The following ADGRL3 variants were observed in gnomAD, a reference collection of about 807,000 sequenced individuals.
The protein encoded by ADGRL3 is adhesion G protein-coupled receptor L3.
Under a neutral mutation model 153.5 loss-of-function variants are expected in ADGRL3, and 62 were observed. The ratio of observed to expected loss-of-function variants is 0.40; its 90% confidence interval spans 0.33 to 0.50. The LOEUF (loss-of-function observed/expected upper bound fraction) is 0.50, where lower values mean the gene tolerates loss of function less well. ADGRL3 is among the 20% of genes least tolerant of loss of function. ADGRL3 has a pLI of 0.47. For missense variants in ADGRL3, 1,641 were observed against 1,859.4 expected, an observed-to-expected ratio of 0.88 and a Z score of 2.16; for synonymous variants, 710 against 672.5, an observed-to-expected ratio of 1.06 and a Z score of -0.86.
chr4:62,064,483 T>C (rs556507182), intron 25 of ADGRL3, among the ~76,000 whole-genome samples: 2 of 152,146 alleles, frequency 1.3e-5, no homozygotes, highest in African/African-American at 4.8e-5. Flanking sequence ...AAGAGAAAAT[T>C]ATTCAAATAA....
In ADGRL3 at chr4:61,803,486, A is replaced by G. The variant is rs1237952753; in HGVS notation, c.1400-10323A>G. Reference sequence around the variant, plus strand: ...CTATTCATCTATGACATAGAGCTCTATTTGTCTTTCACTGACGTCTCTCTC... The same window carrying G: ...CTATTCATCTATGACATAGAGCTCTGTTTGTCTTTCACTGACGTCTCTCTC... On this transcript the variant is annotated intron_variant, in intron 8 of 26. Coordinates refer to ENST00000683033, the MANE Select transcript of ADGRL3 (RefSeq NM_001387552.1). Among the ~76,000 whole-genome samples the G allele has an allele frequency of 3.3e-5, 5 of 152,164 alleles. No homozygotes were observed. In the South Asian group the frequency reaches 1.0e-3, roughly 32 times the overall value.
intron 4 of ADGRL3, among the ~76,000 whole-genome samples, chr4:61,563,043 T>A (rs988621786): frequency 3.3e-5 from 5 of 152,034 alleles, no homozygotes; most frequent in Non-Finnish European, 7.4e-5. Flanking sequence ...GGATTCACTA[T>A]TTATGGCAGC....
chr4:61,908,603 C>T lies in ADGRL3; in HGVS notation c.1888-957C>T, dbSNP rs546623287. Among the ~76,000 whole-genome samples the T allele has an allele frequency of 9.9e-5, 13 of 131,264 alleles. 1 individual carries two copies. Among genetic ancestry groups the T allele is most frequent in the Middle Eastern group, 4.2e-3 (1 of 240 alleles). 86.1% of individuals were successfully genotyped at this position (131,264 alleles called of 152,430 possible). ...AGCCTGGGCGACAAGAGCAAAACAA[C>T]GCCTCAAAAAAAAAAAAAAAAGTCT... On this transcript the variant is annotated intron_variant, in intron 11 of 26. Transcript: ENST00000683033.
chr4:61,292,080 C>T (rs944877477), intron 1 of ADGRL3, among the ~76,000 whole-genome samples: 19 of 151,444 alleles, frequency 1.3e-4, no homozygotes, highest in African/African-American at 4.6e-4. Context: ...GTGTACTGCT[C>T]ATTGATGGTA....
chr4:61,477,513 T>G (rs1445449485), intron 2 of ADGRL3, among the ~76,000 whole-genome samples: 1 of 152,160 alleles, frequency 6.6e-6, no homozygotes, highest in African/African-American at 2.4e-5. Context: ...AATCAAGGAT[T>G]TTAACTGTAT....
chr4:61,568,223 T>A (rs1375085542), intron 4 of ADGRL3, among the ~76,000 whole-genome samples: 2 of 152,132 alleles, frequency 1.3e-5, no homozygotes, highest in East Asian at 3.9e-4. Context: ...ACATCAAATA[T>A]CTATAAACAT....
rs776344793 is a variant in ADGRL3 at position 61,733,264 on chromosome 4, A to T, written c.1109A>T (p.Asp370Val). The change falls in exon 8 of 27, where the codon GAT becomes GTT. Residue 370 changes from aspartate (D) to valine (V), a missense_variant. By Grantham distance (152) the Asp-to-Val change is radical. Transcript: ENST00000683033. ...ACCCTACGGATCGAAGGAACATGGG[A>T]TACTGCATATGATAAAAGGTCAGCT... ...PYTLRIEGTW[D>V]TAYDKRSASN... is the part of the protein sequence containing the mutation. The T allele has an allele frequency of 6.2e-7, 1 of 1,613,696 alleles. No individual in the cohort carries two copies. Among genetic ancestry groups the T allele is most frequent in the East Asian group, 2.2e-5 (1 of 44,894 alleles).
intron 1 of ADGRL3, among the ~76,000 whole-genome samples, chr4:61,249,981 T>C (rs1245700251): frequency 6.6e-6 from 1 of 152,186 alleles, no homozygotes; most frequent in Non-Finnish European, 1.5e-5. Context: ...ACTCTTATGA[T>C]GATCCACATT....
intron 9 of ADGRL3, among the ~76,000 whole-genome samples, chr4:61,831,411 TAAAAAAAAAAAAAAAA>T (rs1166970099): frequency 1.9e-4 from 7 of 37,274 alleles, no homozygotes; most frequent in South Asian, 1.4e-3. Context: ...AGATGCTAAG[TAAAAAAAAAAAAAAAA>T]AAAAAAAAAA....
intron 25 of ADGRL3, among the ~76,000 whole-genome samples, chr4:62,051,262 G>A (rs1227117461): frequency 6.7e-6 from 1 of 149,462 alleles, no homozygotes; most frequent in African/African-American, 2.5e-5. Context: ...ATAAAATAAA[G>A]AAGCCTGTGT....
At chr4:61,621,960 A>G (rs1388111610) in intron 5 of ADGRL3, among the ~76,000 whole-genome samples, 4 of 152,170 alleles carry the variant, frequency 2.6e-5, no homozygotes, top group Non-Finnish European at 5.9e-5. Flanking sequence ...CTTGTAAGCA[A>G]AACTTTAGTC....
intron 5 of ADGRL3, among the ~76,000 whole-genome samples, chr4:61,616,318 G>A (rs2091999004): frequency 6.6e-6 from 1 of 152,120 alleles, no homozygotes; most frequent in Non-Finnish European, 1.5e-5. Context: ...TAATTGACAT[G>A]TGAATATATA....
At chr4:61,784,331 C>T (rs1258696632) in intron 8 of ADGRL3, among the ~76,000 whole-genome samples, 1 of 151,930 alleles carries the variant, frequency 6.6e-6, no homozygotes, top group African/African-American at 2.4e-5. Flanking sequence ...TTTTTATTTC[C>T]TTGTGTATTA....
chr4:61,937,679 C>T (rs2098845038), intron 15 of ADGRL3, among the ~76,000 whole-genome samples: 1 of 151,954 alleles, frequency 6.6e-6, no homozygotes, highest in Non-Finnish European at 1.5e-5. Context: ...GCCTAGTCTC[C>T]CTCCAGGCAG....
chr4:61,222,758 A>G (rs993974149), intron 1 of ADGRL3, among the ~76,000 whole-genome samples: 7 of 152,160 alleles, frequency 4.6e-5, no homozygotes, highest in African/African-American at 1.7e-4. Context: ...CAAAGTGAAT[A>G]ATTTCCTCTT....
chr4:61,777,266 G>T (rs2097163278), intron 8 of ADGRL3, among the ~76,000 whole-genome samples: 1 of 151,994 alleles, frequency 6.6e-6, no homozygotes, highest in Admixed American at 6.6e-5. Flanking sequence ...CTGCGAGGCG[G>T]AGCTTTCAGT....
At chr4:61,791,297 G>C (rs1457658213) in intron 8 of ADGRL3, among the ~76,000 whole-genome samples, 5 of 152,148 alleles carry the variant, frequency 3.3e-5, no homozygotes, top group Non-Finnish European at 7.4e-5. Flanking sequence ...ATTCCAAATG[G>C]GATAAACTGG....
chr4:62,047,509 G>GT (rs1210012588), intron 25 of ADGRL3, among the ~76,000 whole-genome samples: 1 of 151,768 alleles, frequency 6.6e-6, no homozygotes, highest in Non-Finnish European at 1.5e-5. Flanking sequence ...TCAGCTTGTT[G>GT]TATCATAAGT....
chr4:61,333,135 A>G (rs2095607208), intron 1 of ADGRL3, among the ~76,000 whole-genome samples: 1 of 151,948 alleles, frequency 6.6e-6, no homozygotes, highest in African/African-American at 2.4e-5. Context: ...AATACTTATT[A>G]AAATTTTATT....
Sources: gnomAD v4.1 joint callset for allele counts (sites outside exome capture counted in the v4.1 genomes callset) on GRCh38, gnomAD v4.1.1 for gene constraint, MANE v1.5 for transcripts, NCBI Gene and HGNC (gene_info 2026-07-23, HGNC 2026-07-21) for gene names.